The following YTHDC2 variants were observed in gnomAD, a reference collection of about 807,000 sequenced individuals.
YTHDC2 encodes the protein 3'-5' RNA helicase YTHDC2.
In YTHDC2, 45 loss-of-function variants were observed where a neutral mutation model predicts 174.9. That is an observed-to-expected ratio of 0.26 (90% CI 0.20 to 0.33). YTHDC2 has a LOEUF of 0.33. YTHDC2 is among the 10% of genes least tolerant of loss of function. The pLI, the probability that YTHDC2 is intolerant of heterozygous loss-of-function variation, is 1.00. For synonymous variants in YTHDC2, 657 were observed against 574.5 expected, an observed-to-expected ratio of 1.14 and a Z score of -2.05; for missense variants, 1,650 against 1,723.7, an observed-to-expected ratio of 0.96 and a Z score of 0.76.
chr5:113,542,929 C>T (rs572076509), intron 10 of YTHDC2, among the ~76,000 whole-genome samples: 1 of 152,158 alleles, frequency 6.6e-6, no homozygotes, highest in South Asian at 2.1e-4. Flanking sequence ...CAGTTAACTT[C>T]CAGTATTTCA....
Position 113,591,115 on chromosome 5 carries a change from C to T in YTHDC2, c.3900C>T (p.Asn1300=), listed in dbSNP as rs766417455. 1.5e-5 allele frequency: 25 copies of T among 1,613,768 alleles called. No homozygotes were observed. In the South Asian group the frequency reaches 2.7e-4, roughly 18 times the overall value. Residue 1300 remains asparagine, a synonymous_variant, in exon 27 of 30, where the codon AAC becomes AAT. Transcript: ENST00000161863. ...TAATGAAGAGTAGCAATTTGAGAAA[C>T]CTTGAAATTTCTCAACAGAAGGGTA... The part of the protein sequence containing the change: ...YFIMKSSNLR[N]LEISQQKGIW...
intron 28 of YTHDC2, chr5:113,593,094 A>G: frequency 2.7e-6 from 1 of 366,770 alleles, no homozygotes; most frequent in Non-Finnish European, 5.0e-6. Flanking sequence ...GAGATTTTGC[A>G]GATTAACTGT....
At chr5:113,593,419 C>A in intron 29 of YTHDC2, 29 bp downstream of exon 29, 2 of 1,522,332 alleles carry the variant, frequency 1.3e-6, no homozygotes, top group Non-Finnish European at 1.8e-6. Flanking sequence ...TGAGTATTGG[C>A]AGTATTTGTG....
chr5:113,526,553 A>G (rs558730768), intron 3 of YTHDC2, 33 bp from the exon 4 acceptor site: 5 of 1,533,682 alleles, frequency 3.3e-6, no homozygotes, highest in South Asian at 2.5e-5. Context: ...CGTGTTGATC[A>G]TACATTTTTT....
intron 23 of YTHDC2, among the ~76,000 whole-genome samples, chr5:113,571,211 C>T (rs948277035): frequency 6.6e-6 from 1 of 152,176 alleles, no homozygotes; most frequent in African/African-American, 2.4e-5. Context: ...TTATTGAAGG[C>T]CTTTTCTGCA....
intron 2 of YTHDC2, among the ~76,000 whole-genome samples, chr5:113,522,549 A>G (rs1773951259): frequency 1.3e-5 from 2 of 152,124 alleles, no homozygotes; most frequent in Non-Finnish European, 2.9e-5. Context: ...ACTCTTGTGA[A>G]TTTCACTTAG....
At chr5:113,576,399 C>T (rs1778047906) in intron 23 of YTHDC2, among the ~76,000 whole-genome samples, 1 of 152,064 alleles carries the variant, frequency 6.6e-6, no homozygotes, top group African/African-American at 2.4e-5. Context: ...GATTATGGGG[C>T]ATTGCTACAT....
At chr5:113,527,546 T>C (rs554578611) in intron 4 of YTHDC2, among the ~76,000 whole-genome samples, 2 of 152,304 alleles carry the variant, frequency 1.3e-5, no homozygotes, top group South Asian at 4.1e-4. Context: ...GACATAATTT[T>C]GCTTTTGACA....
Position 113,561,267 on chromosome 5 carries a change from T to C in YTHDC2, c.2322+82T>C, listed in dbSNP as rs551338158. 222 of 1,029,908 alleles carry C rather than the reference T, an allele frequency of 2.2e-4. 3 individuals carry two copies. The South Asian group carries it at 3.4e-3, about 16-fold the overall frequency. The allele number at this position is 1,029,908 out of a possible 1,614,324, so 63.8% of individuals were successfully genotyped here. ...ATTTCAACTTCTATGGATTAGGCCT[T>C]TAAAAAATCAATTTGTAAAACAAAA... On this transcript the variant is annotated intron_variant, in intron 18 of 29. Transcript: ENST00000161863.
chr5:113,535,888 G>A (rs1376306664), intron 7 of YTHDC2, 90 bp downstream of exon 7: 5 of 1,105,310 alleles, frequency 4.5e-6, no homozygotes, highest in Non-Finnish European at 6.3e-6. Context: ...GGAATGTTCT[G>A]AAGTAGAGGC....
rs369498416 is a variant in YTHDC2, at chr5:113,586,674, T to C, written c.3825+2195T>C. 2.6e-4 allele frequency among the ~76,000 whole-genome samples: 39 copies of C among 151,342 alleles called. 4 individuals are homozygous for C. Among genetic ancestry groups the C allele is most frequent in the South Asian group, 1.7e-3 (8 of 4,824 alleles). On this transcript the variant is annotated intron_variant, in intron 26 of 29. Transcript: ENST00000161863. The stretch of plus-strand genomic sequence containing the variant: ...AGATATATGATTTATTTTAAGTTAA[T>C]TTTCGTTTATAGTATGGGTGAGTCA...
chr5:113,531,594 G>A (rs1034510364), intron 4 of YTHDC2, among the ~76,000 whole-genome samples: 1 of 151,914 alleles, frequency 6.6e-6, no homozygotes, highest in Non-Finnish European at 1.5e-5. Flanking sequence ...AACACTTTAT[G>A]CAACCCCCAG....
intron 12 of YTHDC2, among the ~76,000 whole-genome samples, chr5:113,552,804 C>A (rs1332319190): frequency 6.6e-6 from 1 of 152,032 alleles, no homozygotes; most frequent in Non-Finnish European, 1.5e-5. Context: ...TAAATTTCTC[C>A]ACACCCTCTC....
At chr5:113,561,593 C>T (rs775323073) in intron 18 of YTHDC2, among the ~76,000 whole-genome samples, 1 of 151,592 alleles carries the variant, frequency 6.6e-6, no homozygotes, top group Non-Finnish European at 1.5e-5. Context: ...CTCAGCCTCC[C>T]GAGTAGCTGG....
chr5:113,579,537 TA>T, intron 23 of YTHDC2, 48 bp from the exon 24 acceptor site: 2 of 1,401,346 alleles, frequency 1.4e-6, no homozygotes, highest in Non-Finnish European at 1.9e-6. Flanking sequence ...TTTTTTGCCA[TA>T]ACGTAAGAAG....
intron 7 of YTHDC2, among the ~76,000 whole-genome samples, chr5:113,536,631 C>A (rs1775095239): frequency 6.6e-6 from 1 of 152,104 alleles, no homozygotes; most frequent in Non-Finnish European, 1.5e-5. Context: ...TGTTCCATGT[C>A]CTACTTTTCT....
chr5:113,517,056 G>A (rs1773479734), intron 2 of YTHDC2, among the ~76,000 whole-genome samples: 1 of 152,168 alleles, frequency 6.6e-6, no homozygotes, highest in South Asian at 2.1e-4. Flanking sequence ...ATATATTTGA[G>A]ATTCAGATTT....
At position 113,553,322 on chromosome 5, in the gene YTHDC2, G is replaced by A; in HGVS notation, c.1830G>A (p.Met610Ile). 12 of 1,609,806 alleles carry A rather than the reference G, an allele frequency of 7.5e-6. No homozygotes were observed. Among genetic ancestry groups the A allele is most frequent in the Non-Finnish European group, 1.0e-5 (12 of 1,178,536 alleles). The change falls in exon 13 of 30, where the codon ATG becomes ATA. Residue 610 changes from methionine (M) to isoleucine (I), a missense_variant. This residue lies in a region of YTHDC2 where 411 missense variants were observed against 380.6 expected (regional missense o/e 1.08). Transcript: ENST00000161863. ...AAAAAGTAGACTTGGATTTGATCATGCATCTTCTATACAATATCTGCCATA... is the reference window on the plus strand; with the variant it reads ...AAAAAGTAGACTTGGATTTGATCATACATCTTCTATACAATATCTGCCATA... ...DDEKVDLDLI[M>I]HLLYNICHSC...
chr5:113,560,145 G>C (rs555458454), intron 17 of YTHDC2, among the ~76,000 whole-genome samples: 1 of 152,184 alleles, frequency 6.6e-6, no homozygotes, highest in South Asian at 2.1e-4. Context: ...AAATCATTAG[G>C]CATCCACCTT....
Sources: allele counts gnomAD v4.1 joint callset (sites outside exome capture counted in the v4.1 genomes callset), GRCh38; gene constraint gnomAD v4.1.1; regional missense constraint gnomAD v4.1.1; transcripts MANE v1.5; gene names NCBI Gene and HGNC (gene_info 2026-07-23, HGNC 2026-07-21).